The following RAD51B variants were observed in gnomAD, a reference collection of about 807,000 sequenced individuals.
The protein encoded by RAD51B is RAD51 paralog B.
A neutral mutation model predicts 42.2 loss-of-function variants in RAD51B; 38 were observed. That is an observed-to-expected ratio of 0.90 (90% CI 0.70 to 1.18). RAD51B has a LOEUF of 1.18. Among genes scored for constraint, RAD51B ranks in the 50% most tolerant of loss-of-function variants. RAD51B has a pLI of 0.00. For synonymous variants in RAD51B, 154 were observed against 145.2 expected, an observed-to-expected ratio of 1.06 and a Z score of -0.43; for missense variants, 373 against 400.7, an observed-to-expected ratio of 0.93 and a Z score of 0.59.
chr14:68,674,075 CAT>C (rs1358988127), intron 11 of RAD51B, among the ~76,000 whole-genome samples: 2 of 152,102 alleles, frequency 1.3e-5, no homozygotes, highest in African/African-American at 4.8e-5. Context: ...CATAAACACA[CAT>C]ACTGTACACA....
At chr14:68,115,031 CA>C (rs753169882) in intron 7 of RAD51B, among the ~76,000 whole-genome samples, 83 of 144,976 alleles carry the variant, frequency 5.7e-4, no homozygotes, top group Non-Finnish European at 1.1e-3. Flanking sequence ...TTGACCCAGC[CA>C]TCCCATTACT....
rs114265835 is a variant in RAD51B at position 68,062,385 on chromosome 14, G to A, written c.756+175181G>A. ...TTGGTTGTGTCCTTGTCTGGTTTTG[G>A]TATCAGGGTAATGCTGGACTTATAG... is the stretch of plus-strand genomic sequence containing the variant. On this transcript the variant is annotated intron_variant, in intron 7 of 10. Coordinates refer to ENST00000471583, the MANE Select transcript of RAD51B (RefSeq NM_133510.4). 6.9e-3 allele frequency among the ~76,000 whole-genome samples: 1,053 copies of A among 152,224 alleles called. 12 individuals carry two copies. The highest frequency in any genetic ancestry group is 0.024 in the African/African-American group (987 of 41,514).
At chr14:68,068,287 C>T (rs1358749105) in intron 7 of RAD51B, among the ~76,000 whole-genome samples, 1 of 137,928 alleles carries the variant, frequency 7.3e-6, no homozygotes, top group African/African-American at 3.3e-5. Flanking sequence ...TTCTTCTTCT[C>T]TCTCACCCCT....
At chr14:68,634,236 G>T (rs942288293) in intron 10 of RAD51B, among the ~76,000 whole-genome samples, 1 of 152,116 alleles carries the variant, frequency 6.6e-6, no homozygotes, top group African/African-American at 2.4e-5. Context: ...GTAAGCACTC[G>T]CACAGAATGA....
chr14:68,049,194 C>A (rs571674032), intron 7 of RAD51B, among the ~76,000 whole-genome samples: 2 of 150,976 alleles, frequency 1.3e-5, no homozygotes, highest in African/African-American at 2.4e-5. Flanking sequence ...ACATCACACA[C>A]TGGGGCCTGT....
chr14:67,909,079 T>G (rs987328793), intron 7 of RAD51B, among the ~76,000 whole-genome samples: 1 of 152,242 alleles, frequency 6.6e-6, no homozygotes, highest in African/African-American at 2.4e-5. Flanking sequence ...TTTTAATTTC[T>G]TAATTATAAC....
At chr14:68,400,478 C>G (rs1224608903) in intron 8 of RAD51B, among the ~76,000 whole-genome samples, 1 of 152,154 alleles carries the variant, frequency 6.6e-6, no homozygotes, top group Non-Finnish European at 1.5e-5. Context: ...CCATCTGAAA[C>G]AAACATCAAG....
intron 9 of RAD51B, among the ~76,000 whole-genome samples, chr14:68,430,449 G>A (rs1199875754): frequency 1.3e-5 from 2 of 152,126 alleles, no homozygotes; most frequent in African/African-American, 2.4e-5. Context: ...AGTTCTCCTT[G>A]AAGAGGTCCT....
intron 9 of RAD51B, among the ~76,000 whole-genome samples, chr14:68,460,585 G>A (rs1275219219): frequency 1.3e-5 from 2 of 152,172 alleles, no homozygotes; most frequent in Non-Finnish European, 2.9e-5. Flanking sequence ...TGCCTCAGAT[G>A]AGGGCCACAC....
intron 8 of RAD51B, among the ~76,000 whole-genome samples, chr14:68,365,011 G>C (rs1429937975): frequency 6.6e-6 from 1 of 152,110 alleles, no homozygotes; most frequent in African/African-American, 2.4e-5. Flanking sequence ...CCTTAGCTTT[G>C]GTGAGGGAGT....
At chr14:68,147,542 T>C (rs2078277792) in intron 7 of RAD51B, among the ~76,000 whole-genome samples, 1 of 152,180 alleles carries the variant, frequency 6.6e-6, no homozygotes, top group Non-Finnish European at 1.5e-5. Flanking sequence ...ACTGCATCTG[T>C]CACTAGATTT....
At chr14:68,417,870 T>G (rs372924925) in intron 9 of RAD51B, among the ~76,000 whole-genome samples, 218 of 152,304 alleles carry the variant, frequency 1.4e-3, no homozygotes, top group African/African-American at 4.4e-3. Flanking sequence ...GAACTTTCTC[T>G]TAAGAGGGTT....
intron 7 of RAD51B, among the ~76,000 whole-genome samples, chr14:68,028,575 G>A (rs981274049): frequency 2.0e-5 from 3 of 152,254 alleles, no homozygotes; most frequent in South Asian, 4.1e-4. Flanking sequence ...ACTAACTTGG[G>A]GCTCATCTGC....
chr14:68,663,310 A>AAGAG lies in RAD51B; in HGVS notation c.*11+12476_*11+12479dup, dbSNP rs3077379. Among the ~76,000 whole-genome samples the AAGAG allele has an allele frequency of 1.1e-3, 167 of 149,206 alleles. 1 individual carries two copies. In the East Asian group the frequency reaches 0.021, roughly 19 times the overall value. On this transcript the variant is annotated intron_variant, in intron 11 of 11. Transcript: ENST00000488612. ...AGAGTGAGACTCCATCTCAAAAACA[A>AAGAG]AGAGAGAGAGAGAGAGAGAGAGAGA...
At chr14:67,907,684 G>A (rs772033236) in intron 7 of RAD51B, among the ~76,000 whole-genome samples, 12 of 152,066 alleles carry the variant, frequency 7.9e-5, no homozygotes, top group Non-Finnish European at 1.5e-4. Context: ...TATTAGACAA[G>A]ACTGTTAAAA....
intron 7 of RAD51B, among the ~76,000 whole-genome samples, chr14:68,288,521 A>G (rs915825864): frequency 2.6e-5 from 4 of 152,194 alleles, no homozygotes; most frequent in African/African-American, 9.7e-5. Context: ...CTTTTGAGGT[A>G]TATCTGTAGT....
intron 7 of RAD51B, among the ~76,000 whole-genome samples, chr14:68,074,873 C>T (rs779733727): frequency 6.6e-5 from 10 of 152,232 alleles, no homozygotes; most frequent in Admixed American, 2.6e-4. Context: ...TAGGTAGGTT[C>T]TTGCTCAGCC....
chr14:67,930,680 C>T (rs926395144), intron 7 of RAD51B, among the ~76,000 whole-genome samples: 3 of 152,090 alleles, frequency 2.0e-5, no homozygotes, highest in African/African-American at 7.2e-5. Flanking sequence ...GAAGACCTTT[C>T]GCATTGGATC....
In RAD51B at chr14:68,356,662, T is replaced by G. The variant is rs1350055082; in HGVS notation, c.854-54762T>G. ...CTGTTCAGGGGGTGGTTGCTGAAGG[T>G]TGGAGTGGCTGTAGCAATTTCTTAA... On this transcript the variant is annotated intron_variant, in intron 8 of 10. Transcript: ENST00000471583. Among the ~76,000 whole-genome samples, 3 of 151,934 alleles carry G rather than the reference T, an allele frequency of 2.0e-5. No individual in the cohort carries two copies. The South Asian group carries it at 6.2e-4, about 32-fold the overall frequency.
Sources: allele counts gnomAD v4.1 joint callset (sites outside exome capture counted in the v4.1 genomes callset), GRCh38; gene constraint gnomAD v4.1.1; transcripts MANE v1.5; gene names NCBI Gene and HGNC (gene_info 2026-07-23, HGNC 2026-07-21).